UBE2E3: variants seen among roughly 807,000 people sequenced by gnomAD.
The protein encoded by UBE2E3 is ubiquitin-conjugating enzyme E2 E3.
In UBE2E3, 5 loss-of-function variants were observed where a neutral mutation model predicts 23.6. That is an observed-to-expected ratio of 0.21 (90% CI 0.11 to 0.44). The LOEUF is 0.44. Among genes scored for constraint, UBE2E3 ranks in the 20% least tolerant of loss-of-function variants. The pLI, the probability that UBE2E3 is intolerant of heterozygous loss-of-function variation, is 0.99. For synonymous variants in UBE2E3, 78 were observed against 87.5 expected (o/e 0.89, Z 0.60); for missense variants, 81 against 249.8 (o/e 0.32, Z 4.55).
intron 3 of UBE2E3, among the ~76,000 whole-genome samples, chr2:181,033,599 C>T (rs1476066769): frequency 6.6e-6 from 1 of 152,148 alleles, no homozygotes; most frequent in African/African-American, 2.4e-5. Context: ...CTAGGCAATA[C>T]CATTTAGGAC....
chr2:180,992,133 G>T (rs186031583), intron 3 of UBE2E3, among the ~76,000 whole-genome samples: 1 of 152,124 alleles, frequency 6.6e-6, no homozygotes, highest in East Asian at 1.9e-4. Context: ...GGTTTGTTGG[G>T]TTTTTTGTCT....
chr2:181,033,465 G>A (rs1415435101), intron 3 of UBE2E3, among the ~76,000 whole-genome samples: 1 of 152,104 alleles, frequency 6.6e-6, no homozygotes, highest in Non-Finnish European at 1.5e-5. Flanking sequence ...GCTGGGAAAA[G>A]TGGCTAGCCA....
chr2:181,029,745 A>G (rs1686015723), intron 3 of UBE2E3, among the ~76,000 whole-genome samples: 1 of 131,852 alleles, frequency 7.6e-6, no homozygotes, highest in Non-Finnish European at 1.6e-5. Flanking sequence ...TTCTTGTTCC[A>G]TGTTTTAAAT....
At chr2:181,028,641 T>C (rs528188784) in intron 3 of UBE2E3, among the ~76,000 whole-genome samples, 18 of 152,034 alleles carry the variant, frequency 1.2e-4, no homozygotes, top group African/African-American at 4.1e-4. Context: ...TTGCATTTCC[T>C]AATAATGAGG....
intron 3 of UBE2E3, among the ~76,000 whole-genome samples, chr2:180,995,837 A>G: frequency 6.6e-6 from 1 of 151,870 alleles, no homozygotes; most frequent in East Asian, 1.9e-4. Flanking sequence ...AAGGCACCTA[A>G]GATCTGGTTG....
intron 3 of UBE2E3, among the ~76,000 whole-genome samples, chr2:181,023,682 G>A (rs1027708272): frequency 2.6e-5 from 4 of 152,118 alleles, no homozygotes; most frequent in Non-Finnish European, 4.4e-5. Context: ...ATAGCAAAGG[G>A]GTTGAGAGCA....
At chr2:181,027,223 A>T (rs1685922871) in intron 3 of UBE2E3, among the ~76,000 whole-genome samples, 1 of 151,932 alleles carries the variant, frequency 6.6e-6, no homozygotes. Flanking sequence ...ATGTATGTAT[A>T]TTTATGTTTG....
intron 3 of UBE2E3, among the ~76,000 whole-genome samples, chr2:181,041,905 A>G (rs934990885): frequency 6.6e-6 from 1 of 152,196 alleles, no homozygotes; most frequent in African/African-American, 2.4e-5. Context: ...AAGTGTGGAG[A>G]GTCATCTCAG....
intron 3 of UBE2E3, among the ~76,000 whole-genome samples, chr2:181,048,738 ACACT>A (rs1298142171): frequency 6.6e-5 from 10 of 152,120 alleles, no homozygotes; most frequent in African/African-American, 2.4e-4. Flanking sequence ...TCTTTCTAAA[ACACT>A]CAGGAATAAC....
chr2:181,052,082 TA>T (rs1686859222), intron 3 of UBE2E3, among the ~76,000 whole-genome samples: 1 of 151,902 alleles, frequency 6.6e-6, no homozygotes, highest in Non-Finnish European at 1.5e-5. Context: ...TGTCTCCTTT[TA>T]TTAGCCATAT....
intron 3 of UBE2E3, among the ~76,000 whole-genome samples, chr2:181,047,997 G>T (rs1008489951): frequency 6.6e-6 from 1 of 152,056 alleles, no homozygotes; most frequent in Non-Finnish European, 1.5e-5. Context: ...GCCACATTGT[G>T]CTTCCAGGCC....
chr2:181,024,221 CTCT>C (rs1685803583), intron 3 of UBE2E3, among the ~76,000 whole-genome samples: 1 of 152,086 alleles, frequency 6.6e-6, no homozygotes. Context: ...CAAGATGAGC[CTCT>C]TGACTGACTC....
rs144708326 is a variant in UBE2E3, at chr2:181,003,049, T to C, written c.245+18956T>C. 3.4e-3 allele frequency among the ~76,000 whole-genome samples: 525 copies of C among 152,372 alleles called. 1 individual carries two copies. The highest frequency in any genetic ancestry group is 5.3e-3 in the Non-Finnish European group (359 of 68,026). ...TTGTTGGTATCTTATGTAGTACATG[T>C]GTGCTTTTTGTTTTGAGAGAGTCTC... On this transcript the variant is annotated intron_variant, in intron 3 of 5. Transcript: ENST00000410062.
At chr2:180,998,205 C>T (rs989891250) in intron 3 of UBE2E3, among the ~76,000 whole-genome samples, 8 of 152,022 alleles carry the variant, frequency 5.3e-5, no homozygotes, top group African/African-American at 1.9e-4. Context: ...TAGAAATACT[C>T]GAGTTTGTAT....
chr2:181,014,758 A>C (rs1210710961), intron 3 of UBE2E3, among the ~76,000 whole-genome samples: 2 of 152,148 alleles, frequency 1.3e-5, no homozygotes. Flanking sequence ...TTTGAGATAC[A>C]TGTGATATAT....
chr2:181,049,727 C>T (rs1049174935), intron 3 of UBE2E3, among the ~76,000 whole-genome samples: 1 of 151,890 alleles, frequency 6.6e-6, no homozygotes, highest in Non-Finnish European at 1.5e-5. Context: ...TTTTTTACTT[C>T]ATCAGTCTTT....
rs1309856143 is a variant in UBE2E3 at position 181,006,517 on chromosome 2, T to C, written c.245+22424T>C. ...AAATAAACAATAATTTTTATAAGTA[T>C]GTCCCAAATGTACATGGAGCACACT... On this transcript the variant is annotated intron_variant, in intron 3 of 5. Transcript: ENST00000410062. 2.0e-5 allele frequency among the ~76,000 whole-genome samples: 3 copies of C among 152,020 alleles called. No individual in the cohort carries two copies. In the East Asian group the frequency reaches 5.8e-4, roughly 29 times the overall value.
At chr2:181,035,916 T>C (rs1686261704) in intron 3 of UBE2E3, among the ~76,000 whole-genome samples, 1 of 147,730 alleles carries the variant, frequency 6.8e-6, no homozygotes, top group Admixed American at 6.7e-5. Context: ...AGATTTATTT[T>C]GTTTGGTGTT....
At position 181,062,950 on chromosome 2, in the gene UBE2E3, T is replaced by C; in HGVS notation, c.*62T>C. ...GCATCTTCTCACTGTGCTGCAAATC[T>C]TTATAGCCTTTACAATACGGACTTC... On this transcript the variant is annotated 3_prime_UTR_variant, in exon 6 of 6. Transcript: ENST00000410062. 2.0e-6 allele frequency: 2 copies of C among 1,010,332 alleles called. No individual in the cohort carries two copies. The highest frequency in any genetic ancestry group is 2.5e-5 in the East Asian group (1 of 39,724). 62.6% of individuals were successfully genotyped at this position (1,010,332 alleles called of 1,614,324 possible).
Sources: gnomAD v4.1 joint callset for allele counts (sites outside exome capture counted in the v4.1 genomes callset) on GRCh38, gnomAD v4.1.1 for gene constraint, MANE v1.5 for transcripts, NCBI Gene and HGNC (gene_info 2026-07-23, HGNC 2026-07-21) for gene names.